Variants in GASK1A observed in about 807,000 individuals in gnomAD.
GASK1A encodes golgi associated kinase 1A.
In GASK1A, 40 loss-of-function variants were observed where a neutral mutation model predicts 41.2. The ratio of observed to expected loss-of-function variants is 0.97; its 90% CI spans 0.75 to 1.27. The LOEUF (loss-of-function observed/expected upper bound fraction) is 1.27, where lower values mean the gene tolerates loss of function less well. GASK1A is among the 50% of genes most tolerant of loss of function. The probability of loss-of-function intolerance (pLI) is 0.00; values close to 1 mark genes in which losing one functional copy is unlikely to be tolerated. For synonymous variants in GASK1A, 316 were observed against 307.1 expected (o/e 1.03, Z -0.30); for missense variants, 678 against 745.1 (o/e 0.91, Z 1.05).
intron 1 of GASK1A, among the ~76,000 whole-genome samples, chr3:43,012,933 A>G (rs959703428): frequency 2.7e-5 from 4 of 149,440 alleles, no homozygotes; most frequent in Admixed American, 1.3e-4. Context: ...AGGAAGAAGC[A>G]GTGTGAAGCC....
At chr3:42,980,843 G>A (rs146894862) in intron 1 of GASK1A, among the ~76,000 whole-genome samples, 1 of 152,254 alleles carries the variant, frequency 6.6e-6, no homozygotes, top group South Asian at 2.1e-4. Flanking sequence ...AATGATTGGG[G>A]GTACAGGATG....
intron 1 of GASK1A, among the ~76,000 whole-genome samples, chr3:43,026,703 A>G (rs964360423): frequency 6.6e-6 from 1 of 152,230 alleles, no homozygotes; most frequent in African/African-American, 2.4e-5. Context: ...AAACAAGAAC[A>G]GTGAACAAAA....
chr3:43,013,203 G>A (rs1410149101), intron 1 of GASK1A, among the ~76,000 whole-genome samples: 3 of 151,972 alleles, frequency 2.0e-5, no homozygotes, highest in Non-Finnish European at 4.4e-5. Context: ...ACTGGAAGGG[G>A]CAGTGAGAAG....
At chr3:43,016,427 C>A (rs1233857000) in intron 1 of GASK1A, among the ~76,000 whole-genome samples, 1 of 150,556 alleles carries the variant, frequency 6.6e-6, no homozygotes, top group Non-Finnish European at 1.5e-5. Context: ...CAGGAAGGAG[C>A]AGTGTGACAT....
At chr3:43,038,543 G>T (rs552277415) in intron 2 of GASK1A, among the ~76,000 whole-genome samples, 11 of 150,592 alleles carry the variant, frequency 7.3e-5, no homozygotes, top group Non-Finnish European at 1.6e-4. Context: ...CTTTGTTGCT[G>T]TTTTATGCTT....
chr3:43,038,478 C>G (rs2089615835), intron 2 of GASK1A, among the ~76,000 whole-genome samples: 1 of 152,116 alleles, frequency 6.6e-6, no homozygotes, highest in Non-Finnish European at 1.5e-5. Context: ...AATTATCTAG[C>G]CGTTTCGAAT....
intron 2 of GASK1A, among the ~76,000 whole-genome samples, chr3:43,043,350 A>G (rs1414835265): frequency 6.6e-6 from 1 of 152,096 alleles, no homozygotes; most frequent in Non-Finnish European, 1.5e-5. Context: ...TCCCACCCCC[A>G]CAGCTGGACC....
intron 1 of GASK1A, among the ~76,000 whole-genome samples, chr3:43,020,345 T>C (rs988345336): frequency 2.0e-5 from 3 of 152,348 alleles, no homozygotes; most frequent in Admixed American, 6.5e-5. Context: ...AAAGTCCTTC[T>C]TAAAAGACCT....
Position 43,026,149 on chromosome 3 carries a change from T to G in GASK1A, c.4-6118T>G, listed in dbSNP as rs922672762. Among the ~76,000 whole-genome samples the G allele has an allele frequency of 8.5e-4, 130 of 152,146 alleles. 1 individual carries two copies. The highest frequency in any genetic ancestry group is 3.1e-3 in the African/African-American group (127 of 41,436). ...GGTGTGGAAATGGGATGGGGGCAAG[T>G]TTAGTGGCTCAGAGGATCCAGCTGG... On this transcript the variant is annotated intron_variant, in intron 1 of 4. Coordinates refer to ENST00000430121, the MANE Select transcript of GASK1A (RefSeq NM_001129908.3).
At chr3:43,006,967 C>T (rs973665811) in intron 1 of GASK1A, among the ~76,000 whole-genome samples, 3 of 151,750 alleles carry the variant, frequency 2.0e-5, no homozygotes, top group East Asian at 1.9e-4. Context: ...CCTATACTTC[C>T]GGGTTGTGTA....
intron 1 of GASK1A, among the ~76,000 whole-genome samples, chr3:42,998,059 G>A (rs1458179056): frequency 1.3e-5 from 2 of 152,146 alleles, no homozygotes; most frequent in Non-Finnish European, 2.9e-5. Flanking sequence ...GGGTATTAGC[G>A]TCCCAGCAGG....
intron 1 of GASK1A, among the ~76,000 whole-genome samples, chr3:43,018,158 C>CTCA (rs1235044509): frequency 1.2e-4 from 18 of 152,220 alleles, no homozygotes; most frequent in Non-Finnish European, 2.5e-4. Flanking sequence ...CCCTCCTATA[C>CTCA]TCACATCTTT....
intron 2 of GASK1A, among the ~76,000 whole-genome samples, chr3:43,050,371 T>C (rs1355420124): frequency 6.6e-6 from 1 of 152,226 alleles, no homozygotes; most frequent in Non-Finnish European, 1.5e-5. Flanking sequence ...TTGGCCTCCA[T>C]GGTTTTTGAT....
chr3:42,993,767 G>A (rs1422166720), intron 1 of GASK1A, among the ~76,000 whole-genome samples: 1 of 152,174 alleles, frequency 6.6e-6, no homozygotes, highest in Non-Finnish European at 1.5e-5. Flanking sequence ...CCTGATGTGT[G>A]CCAGGCACTG....
intron 2 of GASK1A, among the ~76,000 whole-genome samples, chr3:43,043,137 C>T (rs1274094467): frequency 6.6e-6 from 1 of 152,208 alleles, no homozygotes; most frequent in Non-Finnish European, 1.5e-5. Flanking sequence ...ACTCTCTGAC[C>T]CCCAGGCAGT....
At chr3:43,030,498 T>G (rs1676873648) in intron 1 of GASK1A, among the ~76,000 whole-genome samples, 1 of 152,194 alleles carries the variant, frequency 6.6e-6, no homozygotes, top group Non-Finnish European at 1.5e-5. Flanking sequence ...AGGCTCAGAA[T>G]TGGAACTGCA....
chr3:42,990,835 C>T (rs1479301154), intron 1 of GASK1A, among the ~76,000 whole-genome samples: 2 of 152,156 alleles, frequency 1.3e-5, no homozygotes, highest in African/African-American at 4.8e-5. Flanking sequence ...AACTAAGGCT[C>T]AGAGGAACCA....
chr3:43,052,780 A>T (rs2089697303), intron 2 of GASK1A, among the ~76,000 whole-genome samples: 1 of 152,172 alleles, frequency 6.6e-6, no homozygotes, highest in African/African-American at 2.4e-5. Context: ...TTTGTCCTAG[A>T]TACTTACAGC....
chr3:43,037,257 A>G (rs919343438), intron 2 of GASK1A: 2 of 993,634 alleles, frequency 2.0e-6, no homozygotes, highest in African/African-American at 3.2e-5. Flanking sequence ...AAATGGAGCG[A>G]TGGCCGAGGA....
Sources: allele counts gnomAD v4.1 joint callset (sites outside exome capture counted in the v4.1 genomes callset), GRCh38; gene constraint gnomAD v4.1.1; transcripts MANE v1.5; gene names NCBI Gene and HGNC (gene_info 2026-07-23, HGNC 2026-07-21).